The following USP34 variants were observed in gnomAD, a reference collection of about 807,000 sequenced individuals.
The protein encoded by USP34 is ubiquitin carboxyl-terminal hydrolase 34.
A neutral mutation model predicts 460.3 loss-of-function variants in USP34; 70 were observed. The observed-to-expected ratio is 0.15, with a 90% confidence interval of 0.13 to 0.19. The LOEUF (loss-of-function observed/expected upper bound fraction) is 0.19. Among genes scored for constraint, USP34 ranks in the 10% least tolerant of loss-of-function variants. The pLI is 1.00. For missense variants in USP34, 3,985 were observed against 4,236.2 expected, an observed-to-expected ratio of 0.94 and a Z score of 1.65; for synonymous variants, 1,647 against 1,405.3, an observed-to-expected ratio of 1.17 and a Z score of -3.85.
intron 2 of USP34, among the ~76,000 whole-genome samples, chr2:61,416,206 A>C (rs1285861111): frequency 6.6e-6 from 1 of 152,246 alleles, no homozygotes; most frequent in African/African-American, 2.4e-5. Context: ...CTTGATGCCA[A>C]AATAAAAGGC....
At chr2:61,222,232 A>G (rs1687608010) in intron 65 of USP34, among the ~76,000 whole-genome samples, 1 of 152,220 alleles carries the variant, frequency 6.6e-6, no homozygotes, top group Non-Finnish European at 1.5e-5. Context: ...TAGCTATAGC[A>G]TTTCCATTTT....
At chr2:61,385,588 C>T (rs1222830845) in intron 5 of USP34, among the ~76,000 whole-genome samples, 1 of 137,740 alleles carries the variant, frequency 7.3e-6, no homozygotes, top group South Asian at 2.4e-4. Flanking sequence ...AGGAGAATGG[C>T]GTGAACCTGG....
At chr2:61,229,388 G>A (rs989876121) in intron 59 of USP34, among the ~76,000 whole-genome samples, 160 bp downstream of exon 59, 4 of 148,242 alleles carry the variant, frequency 2.7e-5, no homozygotes, top group Admixed American at 1.4e-4. Context: ...TTGGGAGGCC[G>A]AGGCGGGCGG....
chr2:61,221,626 CTG>C lies in USP34; in HGVS notation c.7795-22_7795-21del. 1 of 1,604,182 alleles carries C rather than the reference CTG, an allele frequency of 6.2e-7. No homozygotes were observed. Among genetic ancestry groups the C allele is most frequent in the African/African-American group, 1.3e-5 (1 of 74,792 alleles). On this transcript the variant is annotated intron_variant, in intron 65 of 79. Coordinates refer to ENST00000398571, the MANE Select transcript of USP34 (RefSeq NM_014709.4). ...GGCTGCCTGTAAAACACATACATGA[CTG>C]TGTATTTAGATCAATCTGAACCCAT...
At chr2:61,338,572 A>G (rs906580747) in intron 18 of USP34, among the ~76,000 whole-genome samples, 1 of 152,250 alleles carries the variant, frequency 6.6e-6, no homozygotes, top group Non-Finnish European at 1.5e-5. Context: ...TGTGAGCAGA[A>G]AACAATATAT....
intron 41 of USP34, among the ~76,000 whole-genome samples, chr2:61,273,485 G>A (rs933647314): frequency 1.3e-5 from 2 of 152,096 alleles, no homozygotes; most frequent in African/African-American, 2.4e-5. Flanking sequence ...TTGGGAGGCC[G>A]AGGCAGGCGA....
intron 33 of USP34, among the ~76,000 whole-genome samples, 181 bp downstream of exon 33, chr2:61,293,283 A>G (rs924629768): frequency 1.3e-5 from 2 of 152,162 alleles, no homozygotes; most frequent in African/African-American, 2.4e-5. Context: ...TTTAATACTG[A>G]TAACATGAAA....
In USP34 at chr2:61,295,121, C is replaced by G. The variant is rs190721963; in HGVS notation, c.4377+47G>C. On this transcript the variant is annotated intron_variant, in intron 31 of 79. Coordinates refer to ENST00000398571, the MANE Select transcript of USP34 (RefSeq NM_014709.4). ...AGACAATACATTATAGAATTTTGCTCCAGAGAGAATACAAACATTTAATGA... is the reference window on the plus strand; with the variant it reads ...AGACAATACATTATAGAATTTTGCTGCAGAGAGAATACAAACATTTAATGA... The G allele has an allele frequency of 2.5e-5, 40 of 1,597,534 alleles. No individual in the cohort carries two copies. In the East Asian group the frequency reaches 9.0e-4, roughly 36 times the overall value.
chr2:61,283,005 A>G (rs1689580647), intron 37 of USP34, 140 bp downstream of exon 37: 2 of 776,964 alleles, frequency 2.6e-6, no homozygotes, highest in Non-Finnish European at 4.0e-6. Context: ...AAAACACTCT[A>G]GACCTTAAAG....
intron 10 of USP34, among the ~76,000 whole-genome samples, chr2:61,352,960 G>T (rs115951033): frequency 4.9e-4 from 74 of 152,274 alleles, no homozygotes; most frequent in African/African-American, 1.7e-3. Flanking sequence ...TGTACTAGCC[G>T]AATCAGATGT....
chr2:61,252,015 G>C (rs1572872908), intron 48 of USP34, among the ~76,000 whole-genome samples: 1 of 149,980 alleles, frequency 6.7e-6, no homozygotes, highest in Non-Finnish European at 1.5e-5. Flanking sequence ...ATTCTGAAAA[G>C]ATTTTCCTAT....
Position 61,214,323 on chromosome 2 carries a change from T to G in USP34, c.8419A>C (p.Asn2807His). Residue 2807 changes from asparagine to histidine, a missense_variant, in exon 68 of 80, where the codon AAT becomes CAT. By Grantham distance (68) the Asn-to-His change is moderately conservative. This residue lies in a region of USP34 where 66 missense variants were observed against 121.2 expected (regional missense o/e 0.54). Coordinates refer to ENST00000398571, the MANE Select transcript of USP34 (RefSeq NM_014709.4). ...TTCTCTGGACAGTCAGCACAGACAT[T>G]GTACCAAAATGAAAGCAAAGCCTGT... ...NKQALLSFWY[N>H]VCADCPENIR... 1 of 1,614,214 alleles carries G rather than the reference T, an allele frequency of 6.2e-7. No homozygotes were observed. Among genetic ancestry groups the G allele is most frequent in the Non-Finnish European group, 8.5e-7 (1 of 1,180,028 alleles).
chr2:61,310,147 G>A (rs1690542512), intron 27 of USP34, among the ~76,000 whole-genome samples: 1 of 152,088 alleles, frequency 6.6e-6, no homozygotes, highest in South Asian at 2.1e-4. Flanking sequence ...TAATCTGGAT[G>A]GTAGGTACGT....
intron 3 of USP34, among the ~76,000 whole-genome samples, chr2:61,401,540 ATTTTTTT>A (rs1156550372): frequency 1.1e-4 from 7 of 62,438 alleles, no homozygotes; most frequent in Admixed American, 4.8e-4. Context: ...ACCTGGCCCT[ATTTTTTT>A]TTTTTTTTTT....
At chr2:61,459,681 G>A (rs1695544022) in intron 1 of USP34, among the ~76,000 whole-genome samples, 1 of 151,558 alleles carries the variant, frequency 6.6e-6, no homozygotes, top group Non-Finnish European at 1.5e-5. Context: ...GGAGGCTGAG[G>A]CAGGAGAATC....
At chr2:61,260,535 G>A (rs954741079) in intron 43 of USP34, among the ~76,000 whole-genome samples, 2 of 152,166 alleles carry the variant, frequency 1.3e-5, no homozygotes, top group Non-Finnish European at 2.9e-5. Context: ...ATGGAAGACT[G>A]CAAGTAATAT....
At chr2:61,208,827 T>C in intron 70 of USP34, 72 bp downstream of exon 70, 2 of 1,142,340 alleles carry the variant, frequency 1.8e-6, no homozygotes, top group Non-Finnish European at 1.2e-6. Flanking sequence ...ACTCTAAATG[T>C]CTATAAAGTA....
At chr2:61,459,317 G>A (rs1012572216) in intron 1 of USP34, among the ~76,000 whole-genome samples, 1 of 152,144 alleles carries the variant, frequency 6.6e-6, no homozygotes, top group African/African-American at 2.4e-5. Flanking sequence ...TATTTCTCAT[G>A]ACTCTTACAA....
Position 61,197,392 on chromosome 2 carries a change from A to G in USP34, c.9509-4412T>C, listed in dbSNP as rs796391616. Among the ~76,000 whole-genome samples the G allele has an allele frequency of 5.9e-5, 9 of 152,318 alleles. 1 individual carries two copies. Among genetic ancestry groups the G allele is most frequent in the African/African-American group, 1.9e-4 (8 of 41,576 alleles). On this transcript the variant is annotated intron_variant, in intron 75 of 79. Coordinates refer to ENST00000398571, the MANE Select transcript of USP34 (RefSeq NM_014709.4). Reference sequence around the variant, plus strand: ...CCTAATTTTGCGCTTCTTTTGGATGAGGAAATTAGGCTCACAGAGATTATA... The same window carrying G: ...CCTAATTTTGCGCTTCTTTTGGATGGGGAAATTAGGCTCACAGAGATTATA...
Sources: allele counts gnomAD v4.1 joint callset (sites outside exome capture counted in the v4.1 genomes callset), GRCh38; gene constraint gnomAD v4.1.1; regional missense constraint gnomAD v4.1.1; transcripts MANE v1.5; gene names NCBI Gene and HGNC (gene_info 2026-07-23, HGNC 2026-07-21).